The following HAUS6 variants were observed in gnomAD, a reference collection of about 807,000 sequenced individuals.
The protein encoded by HAUS6 is HAUS augmin like complex subunit 6.
A neutral mutation model predicts 106.8 loss-of-function variants in HAUS6; 80 were observed. The observed-to-expected ratio is 0.75, with a 90% confidence interval of 0.63 to 0.90. The LOEUF is 0.90. Among genes scored for constraint, HAUS6 ranks in the 40% least tolerant of loss-of-function variants. The pLI, the probability that HAUS6 is intolerant of heterozygous loss-of-function variation, is 0.00. For missense variants in HAUS6, 1,155 were observed against 1,118.1 expected, an observed-to-expected ratio of 1.03 and a Z score of -0.47; for synonymous variants, 356 against 379.1, an observed-to-expected ratio of 0.94 and a Z score of 0.71.
chr9:19,102,701 G>T lies in HAUS6; in HGVS notation c.-50C>A. 1.3e-6 allele frequency: 2 copies of T among 1,578,176 alleles called. No individual in the cohort carries two copies. The highest frequency in any genetic ancestry group is 1.8e-5 in the Admixed American group (1 of 55,882). ...AAAGAAAGAAAGCGCAAGCCCAGGG[G>T]ACTCGGAGGGCCCTCAAGATCCCTC... On this transcript the variant is annotated 5_prime_UTR_variant, in exon 1 of 17. Transcript: ENST00000380502.
intron 7 of HAUS6, among the ~76,000 whole-genome samples, chr9:19,083,820 T>G (rs1235291192): frequency 2.0e-5 from 3 of 151,064 alleles, no homozygotes; most frequent in African/African-American, 7.3e-5. Context: ...AAAAAAAATT[T>G]TTTTTCAAGA....
Position 19,082,932 on chromosome 9 carries a change from T to G in HAUS6, c.811A>C (p.Asn271His), listed in dbSNP as rs142571406. 3.1e-5 allele frequency: 47 copies of G among 1,536,458 alleles called. No individual in the cohort carries two copies. The highest frequency in any genetic ancestry group is 3.8e-5 in the Non-Finnish European group (43 of 1,130,924). The change falls in exon 8 of 17, where the codon AAT becomes CAT. Residue 271 changes from asparagine to histidine, a missense_variant. By Grantham distance (68) the Asn-to-His change is moderately conservative (BLOSUM62 1). Coordinates refer to ENST00000380502, the MANE Select transcript of HAUS6 (RefSeq NM_017645.5). ...AGCCTTGGAATATTAATAGCAACAT[T>G]AGTTCCATCTAAAGCATATTGGTTA... ...LVNQYALDGT[N>H]VAINIPRLLL...
chr9:19,066,830 CAA>C (rs71333078), intron 12 of HAUS6, among the ~76,000 whole-genome samples: 7 of 82,092 alleles, frequency 8.5e-5, no homozygotes, highest in Non-Finnish European at 2.5e-5. Flanking sequence ...CTCATCTCTA[CAA>C]AAAAAAAAAA....
At chr9:19,078,883 G>A (rs2131129500) in intron 9 of HAUS6, among the ~76,000 whole-genome samples, 1 of 146,398 alleles carries the variant, frequency 6.8e-6, no homozygotes, top group East Asian at 2.1e-4. Flanking sequence ...GGCCGGGTAT[G>A]GTGGCTCACA....
intron 1 of HAUS6, among the ~76,000 whole-genome samples, chr9:19,099,368 G>A (rs1817939311): frequency 1.3e-5 from 2 of 152,022 alleles, no homozygotes; most frequent in East Asian, 1.9e-4. Flanking sequence ...GGGTTTCACC[G>A]TGTTAGCTAG....
intron 11 of HAUS6, among the ~76,000 whole-genome samples, chr9:19,071,848 G>A (rs1248919644): frequency 6.6e-6 from 1 of 151,948 alleles, no homozygotes; most frequent in African/African-American, 2.4e-5. Flanking sequence ...GGGATTACAG[G>A]CGTGAGCCAC....
At chr9:19,090,599 A>G (rs1376532940) in intron 4 of HAUS6, among the ~76,000 whole-genome samples, 4 of 152,140 alleles carry the variant, frequency 2.6e-5, no homozygotes, top group Non-Finnish European at 5.9e-5. Context: ...TCCTGGCCTC[A>G]TGATCCGCCC....
chr9:19,101,684 G>A (rs374747947), intron 1 of HAUS6, among the ~76,000 whole-genome samples: 19 of 152,318 alleles, frequency 1.2e-4, no homozygotes, highest in African/African-American at 3.8e-4. Context: ...CACTTTGGGA[G>A]GCCGAGGCAG....
At chr9:19,091,637 T>C (rs1382147281) in intron 4 of HAUS6, among the ~76,000 whole-genome samples, 1 of 152,026 alleles carries the variant, frequency 6.6e-6, no homozygotes, top group African/African-American at 2.4e-5. Context: ...CTGGGCAACA[T>C]AGGGAGACCC....
intron 11 of HAUS6, among the ~76,000 whole-genome samples, chr9:19,074,325 G>T (rs1345195585): frequency 6.6e-6 from 1 of 152,154 alleles, no homozygotes; most frequent in Non-Finnish European, 1.5e-5. Flanking sequence ...AGAGCATTGT[G>T]CAGTGGAGCA....
chr9:19,056,596 AC>A, intron 16 of HAUS6, 192 bp from the exon 17 acceptor site: 1 of 503,750 alleles, frequency 2.0e-6, no homozygotes, highest in Non-Finnish European at 3.5e-6. Context: ...CTCCCAGAGT[AC>A]TTTTTTTTTT....
chr9:19,087,046 C>G (rs966350098), intron 6 of HAUS6, 45 bp downstream of exon 6: 2 of 893,052 alleles, frequency 2.2e-6, no homozygotes, highest in Non-Finnish European at 3.8e-6. Flanking sequence ...AATGCAAGAG[C>G]TAAACTAGTA....
At chr9:19,096,616 C>T (rs913902554) in intron 2 of HAUS6, 58 bp downstream of exon 2, 43 of 553,954 alleles carry the variant, frequency 7.8e-5, no homozygotes, top group South Asian at 7.4e-4. Context: ...TGTATCAAAA[C>T]GCTGTCCATT....
chr9:19,072,576 C>T (rs1009601782), intron 11 of HAUS6, among the ~76,000 whole-genome samples: 43 of 151,046 alleles, frequency 2.8e-4, no homozygotes, highest in African/African-American at 9.2e-4. Context: ...TCAAAAACAA[C>T]AGAAAACAAC....
At chr9:19,075,399 C>T (rs1836974747) in intron 11 of HAUS6, among the ~76,000 whole-genome samples, 1 of 152,144 alleles carries the variant, frequency 6.6e-6, no homozygotes, top group Non-Finnish European at 1.5e-5. Context: ...TATATCTCAA[C>T]AAATCTGATT....
intron 7 of HAUS6, among the ~76,000 whole-genome samples, chr9:19,083,576 G>A (rs897942856): frequency 6.6e-6 from 1 of 151,980 alleles, no homozygotes; most frequent in Non-Finnish European, 1.5e-5. Context: ...GCCGAGGCAA[G>A]CAGATCACGA....
At chr9:19,092,537 C>G (rs1817774430) in intron 4 of HAUS6, among the ~76,000 whole-genome samples, 1 of 150,090 alleles carries the variant, frequency 6.7e-6, no homozygotes, top group Admixed American at 6.7e-5. Flanking sequence ...ATCGCTTGAA[C>G]CCAGGAGGCA....
intron 7 of HAUS6, among the ~76,000 whole-genome samples, chr9:19,086,287 G>T (rs180804699): frequency 6.7e-6 from 1 of 150,234 alleles, no homozygotes; most frequent in East Asian, 2.0e-4. Context: ...CTCCAGCCTG[G>T]GAGAGTGAGA....
rs1190768891 is a variant in HAUS6, at chr9:19,055,786, G to C, written c.*557C>G. 6.6e-6 allele frequency: 1 copy of C among 152,128 alleles called. No individual in the cohort carries two copies. Among genetic ancestry groups the C allele is most frequent in the Non-Finnish European group, 1.5e-5 (1 of 68,044 alleles). The allele number at this position is 152,128 out of a possible 1,614,324, so 9.4% of individuals were successfully genotyped here. A position where few individuals can be genotyped will look rare whatever the true frequency, so the allele number is the denominator to read the frequency against. The stretch of plus-strand genomic sequence containing the variant: ...ACTTCTCAGGATCATTCTACCTGAA[G>C]AATCATTAAGCCTGTTTAGAGCTTT... On this transcript the variant is annotated 3_prime_UTR_variant, in exon 17 of 17. Coordinates refer to ENST00000380502, the MANE Select transcript of HAUS6 (RefSeq NM_017645.5).
Sources: allele counts gnomAD v4.1 joint callset (sites outside exome capture counted in the v4.1 genomes callset), GRCh38; gene constraint gnomAD v4.1.1; transcripts MANE v1.5; gene names NCBI Gene and HGNC (gene_info 2026-07-23, HGNC 2026-07-21).